SIPA1L3: variants seen among roughly 807,000 people sequenced by gnomAD.
The protein encoded by SIPA1L3 is signal-induced proliferation-associated 1-like protein 3.
SIPA1L3 carries 59 observed loss-of-function variants against 150.1 expected under a neutral mutation model. The ratio of observed to expected loss-of-function variants is 0.39; its 90% CI spans 0.32 to 0.49. SIPA1L3 has a LOEUF of 0.49. Among genes scored for constraint, SIPA1L3 ranks in the 20% least tolerant of loss-of-function variants. The pLI, the probability that SIPA1L3 is intolerant of heterozygous loss-of-function variation, is 0.86. For synonymous variants in SIPA1L3, 1,070 were observed against 1,077.6 expected (o/e 0.99, Z 0.14); for missense variants, 2,211 against 2,489.5 (o/e 0.89, Z 2.38).
intron 21 of SIPA1L3, among the ~76,000 whole-genome samples, chr19:38,205,805 A>G (rs889252102): frequency 6.6e-5 from 10 of 152,128 alleles, no homozygotes; most frequent in African/African-American, 1.4e-4. Context: ...TGCGGTGACA[A>G]TAGTGATGTT....
chr19:38,087,983 C>T (rs1412648994), intron 3 of SIPA1L3, among the ~76,000 whole-genome samples: 1 of 152,116 alleles, frequency 6.6e-6, no homozygotes, highest in Middle Eastern at 3.2e-3. Flanking sequence ...GCGCCAATGC[C>T]CTCCAGTCTG....
At chr19:38,020,945 C>T (rs570349724) in intron 1 of SIPA1L3, among the ~76,000 whole-genome samples, 3 of 152,270 alleles carry the variant, frequency 2.0e-5, no homozygotes, top group Non-Finnish European at 2.9e-5. Flanking sequence ...GGACTACAGG[C>T]GTGTGCCACC....
intron 2 of SIPA1L3, among the ~76,000 whole-genome samples, chr19:38,042,404 C>T (rs575185639): frequency 1.4e-4 from 21 of 152,228 alleles, no homozygotes; most frequent in African/African-American, 2.9e-4. Flanking sequence ...CTTTTTATTT[C>T]GCAGTGTTGC....
chr19:38,007,312 G>A (rs1967968558), intron 1 of SIPA1L3, among the ~76,000 whole-genome samples: 1 of 152,058 alleles, frequency 6.6e-6, no homozygotes, highest in Non-Finnish European at 1.5e-5. Flanking sequence ...AATTAGCCAG[G>A]CGTGATGGCA....
In SIPA1L3 at chr19:38,201,901, C is replaced by T. The variant is rs1973095519; in HGVS notation, c.5024C>T (p.Ala1675Val). 1 of 1,613,816 alleles carries T rather than the reference C, an allele frequency of 6.2e-7. No individual in the cohort carries two copies. Among genetic ancestry groups the T allele is most frequent in the Non-Finnish European group, 8.5e-7 (1 of 1,179,874 alleles). Reference sequence around the variant, plus strand: ...TCACTCTTCTCTCTGAACGACCCGGCCCTGAGCCCGGACATCCCGCCTGCA... The same window carrying T: ...TCACTCTTCTCTCTGAACGACCCGGTCCTGAGCCCGGACATCCCGCCTGCA... ...AVSLFSLNDP[A>V]LSPDIPPAHS... Residue 1675 changes from alanine (A) to valine (V), a missense_variant, in exon 20 of 22, where the codon GCC (alanine) becomes GTC (valine). Coordinates refer to ENST00000222345, the MANE Select transcript of SIPA1L3 (RefSeq NM_015073.3).
chr19:38,174,743 G>A lies in SIPA1L3; in HGVS notation c.4209-7776G>A, dbSNP rs113202846. Among the ~76,000 whole-genome samples the A allele has an allele frequency of 1.2e-3, 176 of 151,924 alleles. 1 individual carries two copies. Among genetic ancestry groups the A allele is most frequent in the African/African-American group, 4.0e-3 (166 of 41,422 alleles). ...CGGGTGCCAGTAGTCCCAGAGACTC[G>A]AGAGGCTGAGGCGAGAGAATCACTT... On this transcript the variant is annotated intron_variant, in intron 15 of 21. Coordinates refer to ENST00000222345, the MANE Select transcript of SIPA1L3 (RefSeq NM_015073.3).
intron 1 of SIPA1L3, among the ~76,000 whole-genome samples, chr19:37,968,544 T>A (rs545090724): frequency 6.6e-6 from 1 of 152,070 alleles, no homozygotes; most frequent in Non-Finnish European, 1.5e-5. Flanking sequence ...GGTCTTTGAG[T>A]CTCAGGTAAA....
At chr19:37,943,672 ATCC>A (rs2046682622) in intron 1 of SIPA1L3, among the ~76,000 whole-genome samples, 1 of 151,998 alleles carries the variant, frequency 6.6e-6, no homozygotes, top group South Asian at 2.1e-4. Flanking sequence ...CACCCATCAA[ATCC>A]TCCTTATCAC....
intron 12 of SIPA1L3, among the ~76,000 whole-genome samples, chr19:38,146,809 G>A (rs1361463801): frequency 7.9e-5 from 12 of 152,120 alleles, no homozygotes; most frequent in Admixed American, 7.9e-4. Flanking sequence ...GTTCCTAATG[G>A]CTAAGGATAT....
rs1230379579 is a variant in SIPA1L3 at position 38,106,628 on chromosome 19, C to G, written c.2121C>G (p.Asn707Lys). The G allele has an allele frequency of 1.2e-6, 2 of 1,611,254 alleles. No individual in the cohort carries two copies. The highest frequency in any genetic ancestry group is 4.5e-5 in the East Asian group (2 of 44,876). ...CCACCCTGCTCCCTTACACCCCCAA[C>G]AACAGGCAGCAGGTCAGTGATTTTC... Reference protein sequence around the residue: ...HVSTLLPYTPNNRQQLLRKRH... With the variant: ...HVSTLLPYTPKNRQQLLRKRH... The change falls in exon 7 of 22, where the codon AAC (asparagine) becomes AAG (lysine). Residue 707 changes from asparagine to lysine, a missense_variant. By Grantham distance (94) the Asn-to-Lys change is moderately conservative (BLOSUM62 0). Transcript: ENST00000222345.
At chr19:37,982,862 G>A (rs1312720605) in intron 1 of SIPA1L3, among the ~76,000 whole-genome samples, 3 of 152,132 alleles carry the variant, frequency 2.0e-5, no homozygotes, top group Non-Finnish European at 4.4e-5. Context: ...GGTCAAGCAG[G>A]GGCATCTTTG....
rs1172233171 is a variant in SIPA1L3, at chr19:37,953,183, G to A, written c.-379+45825G>A. On this transcript the variant is annotated intron_variant, in intron 1 of 21. Coordinates refer to ENST00000222345, the MANE Select transcript of SIPA1L3 (RefSeq NM_015073.3). Reference sequence around the variant, plus strand: ...GCTTACAATCCTATCCATAGAGGGGGCCCAGGATCCTTCTCAAATGAATGA... The same window carrying A: ...GCTTACAATCCTATCCATAGAGGGGACCCAGGATCCTTCTCAAATGAATGA... 2.0e-5 allele frequency among the ~76,000 whole-genome samples: 3 copies of A among 152,186 alleles called. No individual in the cohort carries two copies. In the East Asian group the frequency reaches 5.8e-4, roughly 29 times the overall value.
At chr19:37,914,374 A>ATTTTTT (rs3049664) in intron 1 of SIPA1L3, among the ~76,000 whole-genome samples, 2 of 144,592 alleles carry the variant, frequency 1.4e-5, no homozygotes, top group African/African-American at 2.6e-5. Flanking sequence ...TACTACTTTA[A>ATTTTTT]TTTTTTTTTT....
chr19:38,147,852 G>T (rs1401921102), intron 12 of SIPA1L3, among the ~76,000 whole-genome samples: 1 of 152,132 alleles, frequency 6.6e-6, no homozygotes, highest in Admixed American at 6.5e-5. Flanking sequence ...TTGCTTGGCT[G>T]AGGTCACTCT....
At chr19:37,915,055 TC>T (rs754211282) in intron 1 of SIPA1L3, among the ~76,000 whole-genome samples, 6 of 152,210 alleles carry the variant, frequency 3.9e-5, no homozygotes, top group Non-Finnish European at 1.5e-5. Flanking sequence ...ACACAGCATT[TC>T]CTTTCCTTGT....
intron 11 of SIPA1L3, 26 bp from the exon 12 acceptor site, chr19:38,142,547 C>A: frequency 6.3e-7 from 1 of 1,587,792 alleles, no homozygotes; most frequent in Non-Finnish European, 8.6e-7. Context: ...CACCCTCTGC[C>A]TCCTTCCTCC....
chr19:38,009,823 A>C (rs1968055159), intron 1 of SIPA1L3, among the ~76,000 whole-genome samples: 1 of 152,010 alleles, frequency 6.6e-6, no homozygotes, highest in Non-Finnish European at 1.5e-5. Context: ...CCAGGAGGAC[A>C]GGGTCTGGTT....
At position 38,194,975 on chromosome 19, in the gene SIPA1L3, T is replaced by C. The variant is rs1341245797; in HGVS notation, c.4840+1195T>C. Among the ~76,000 whole-genome samples, 5 of 151,392 alleles carry C rather than the reference T, an allele frequency of 3.3e-5. 1 individual carries two copies. Among genetic ancestry groups the C allele is most frequent in the African/African-American group, 1.2e-4 (5 of 41,112 alleles). ...CTGAGGCAGGAGAATCACTTGAACC[T>C]GGGAGGCAGAGGTTGCAGTGAGCTG... On this transcript the variant is annotated intron_variant, in intron 18 of 21. Coordinates refer to ENST00000222345, the MANE Select transcript of SIPA1L3 (RefSeq NM_015073.3).
intron 2 of SIPA1L3, among the ~76,000 whole-genome samples, chr19:38,063,827 A>G (rs1969508158): frequency 6.6e-6 from 1 of 152,090 alleles, no homozygotes; most frequent in African/African-American, 2.4e-5. Flanking sequence ...TGAGAAAAAA[A>G]TAATAATAAT....
Sources: allele counts gnomAD v4.1 joint callset (sites outside exome capture counted in the v4.1 genomes callset), GRCh38; gene constraint gnomAD v4.1.1; transcripts MANE v1.5; gene names NCBI Gene and HGNC (gene_info 2026-07-23, HGNC 2026-07-21).